The following GLE1 variants were observed in gnomAD, a reference collection of about 807,000 sequenced individuals.
The protein encoded by GLE1 is mRNA export factor GLE1.
GLE1 carries 78 observed loss-of-function variants against 97.3 expected under a neutral mutation model. The ratio of observed to expected loss-of-function variants is 0.80; its 90% CI spans 0.67 to 0.97. The LOEUF is 0.97. GLE1 is among the 50% of genes least tolerant of loss of function. GLE1 has a pLI of 0.00. For missense variants in GLE1, 753 were observed against 857.5 expected (o/e 0.88, Z 1.52); for synonymous variants, 302 against 313.4 (o/e 0.96, Z 0.39).
intron 12 of GLE1, 49 bp from the exon 13 acceptor site, chr9:128,537,937 A>C (rs780526006): frequency 2.1e-5 from 23 of 1,096,462 alleles, no homozygotes; most frequent in Admixed American, 5.3e-5. Flanking sequence ...GGGAGTTTAG[A>C]TTTCTAAACA....
At position 128,534,032 on chromosome 9, in the gene GLE1, C is replaced by T. The variant is rs1847614643; in HGVS notation, c.1646+81C>T. ...TAGAATTGGAATTTGTTTTTCCCTC[C>T]TCACAGCTCCTATTACGTACCTTGA... On this transcript the variant is annotated intron_variant, in intron 11 of 15. Transcript: ENST00000309971. The T allele has an allele frequency of 7.7e-5, 70 of 909,634 alleles. 2 individuals carry two copies. The South Asian group carries it at 9.0e-4, about 12-fold the overall frequency. 56.3% of individuals were successfully genotyped at this position (909,634 alleles called of 1,614,324 possible).
At chr9:128,533,467 G>C (rs777558470) in intron 9 of GLE1, 46 bp from the exon 10 acceptor site, 1 of 918,856 alleles carries the variant, frequency 1.1e-6, no homozygotes, top group East Asian at 2.6e-5. Context: ...AAGAAAAAGA[G>C]ATTGATCTGT....
chr9:128,536,063 C>A (rs754011395), intron 11 of GLE1, among the ~76,000 whole-genome samples: 1 of 152,114 alleles, frequency 6.6e-6, no homozygotes, highest in Non-Finnish European at 1.5e-5. Flanking sequence ...GAGACACAGT[C>A]TTACTGTTAC....
intron 12 of GLE1, among the ~76,000 whole-genome samples, 161 bp downstream of exon 12, chr9:128,536,645 T>C (rs1281079069): frequency 6.6e-6 from 1 of 152,178 alleles, no homozygotes; most frequent in Non-Finnish European, 1.5e-5. Flanking sequence ...GAATGTTGAT[T>C]ATTAGGGAAC....
chr9:128,522,897 A>G, intron 4 of GLE1, 81 bp downstream of exon 4: 1 of 1,506,348 alleles, frequency 6.6e-7, no homozygotes, highest in Non-Finnish European at 9.2e-7. Context: ...AAAGGGAAAG[A>G]GTTGAACAAC....
In GLE1 at chr9:128,538,058, G is replaced by T; in HGVS notation, c.1849G>T (p.Val617Leu). The stretch of plus-strand genomic sequence containing the variant: ...CTTAAACATGGAGCCCTTGTCAGAT[G>T]TGACAGCCACCCTCCTCTTTGACTT... ...QILNMEPLSD[V>L]TATLLFDFLE... is the part of the protein sequence containing the mutation. The change falls in exon 13 of 16, where the codon GTG (valine) becomes TTG (leucine). Residue 617 changes from valine to leucine, a missense_variant. Coordinates refer to ENST00000309971, the MANE Select transcript of GLE1 (RefSeq NM_001003722.2). 1 of 1,609,460 alleles carries T rather than the reference G, an allele frequency of 6.2e-7. No individual in the cohort carries two copies. Among genetic ancestry groups the T allele is most frequent in the Non-Finnish European group, 8.5e-7 (1 of 1,175,760 alleles).
In GLE1 at chr9:128,525,383, C is replaced by T. The variant is rs1357351573; in HGVS notation, c.1089C>T (p.Pro363=). The change falls in exon 7 of 16, where the codon CCC becomes CCT. Residue 363 remains proline (P), a synonymous_variant. Coordinates refer to ENST00000309971, the MANE Select transcript of GLE1 (RefSeq NM_001003722.2). ...MQQGPEAHKE[P]PAPSQGPGGK... ...AGGGACCAGAGGCCCACAAAGAGCC[C>T]CCAGCTCCCAGCCAGGGCCCAGGAG... is the stretch of plus-strand genomic sequence containing the variant. The T allele has an allele frequency of 6.2e-7, 1 of 1,610,772 alleles. No individual in the cohort carries two copies.
At chr9:128,521,692 GT>G (rs2132451218) in intron 3 of GLE1, among the ~76,000 whole-genome samples, 1 of 152,266 alleles carries the variant, frequency 6.6e-6, no homozygotes, top group Admixed American at 6.5e-5. Context: ...TATAATACGT[GT>G]CGTCATTCCC....
In GLE1 at chr9:128,522,635, TAA is replaced by T. The variant is rs60154464; in HGVS notation, c.433-11_433-10del. On this transcript the variant is annotated intron_variant, in intron 3 of 15. Transcript: ENST00000309971. ...CTGGCGACAGAGAGAGATTCCATCTTAAAAAAAAAAAAAAAAAAAAAAACCTT... is the reference window on the plus strand; with the variant it reads ...CTGGCGACAGAGAGAGATTCCATCTTAAAAAAAAAAAAAAAAAAAAACCTT... The T allele has an allele frequency of 0.14, 167,300 of 1,232,864 alleles. 15 individuals carry two copies. Among genetic ancestry groups the T allele is most frequent in the Middle Eastern group, 0.16 (539 of 3,400 alleles). 76.4% of individuals were successfully genotyped at this position (1,232,864 alleles called of 1,614,324 possible). A position where few individuals can be genotyped will look rare whatever the true frequency, so the allele number is the denominator to read the frequency against.
chr9:128,525,152 A>G (rs751796621), intron 6 of GLE1, 40 bp from the exon 7 acceptor site: 1 of 1,438,222 alleles, frequency 7.0e-7, no homozygotes. Flanking sequence ...TGATTTACCT[A>G]GGGAATGACC....
At chr9:128,534,089 C>T (rs577257455) in intron 11 of GLE1, 138 bp downstream of exon 11, 6 of 732,570 alleles carry the variant, frequency 8.2e-6, no homozygotes, top group South Asian at 3.0e-5. Flanking sequence ...GTCTTTCGGC[C>T]GGGTGCAGTG....
intron 3 of GLE1, among the ~76,000 whole-genome samples, chr9:128,515,952 C>CTTT (rs58485540): frequency 2.9e-5 from 4 of 139,888 alleles, no homozygotes; most frequent in East Asian, 2.1e-4. Context: ...ACCTTAGCCT[C>CTTT]TTTTTTTTTT....
rs769313068 is a variant in GLE1, at chr9:128,525,381, C to T, written c.1087C>T (p.Pro363Ser). The T allele has an allele frequency of 8.1e-6, 13 of 1,610,522 alleles. No homozygotes were observed. The Admixed American group carries it at 1.9e-4, about 23-fold the overall frequency. The change falls in exon 7 of 16, where the codon CCC becomes TCC. Residue 363 changes from proline (P) to serine (S), a missense_variant. By Grantham distance (74) the Pro-to-Ser change is moderately conservative. Transcript: ENST00000309971. ...GCAGGGACCAGAGGCCCACAAAGAGCCCCCAGCTCCCAGCCAGGGCCCAGG... is the reference window on the plus strand; with the variant it reads ...GCAGGGACCAGAGGCCCACAAAGAGTCCCCAGCTCCCAGCCAGGGCCCAGG... Reference protein sequence around the residue: ...MQQGPEAHKEPPAPSQGPGGK... With the variant: ...MQQGPEAHKESPAPSQGPGGK...
chr9:128,536,744 G>A, intron 12 of GLE1: 2 of 404,222 alleles, frequency 4.9e-6, no homozygotes, highest in South Asian at 4.3e-5. Flanking sequence ...ATTAAGGTTA[G>A]AAGATTTTCT....
rs376686581 is a variant in GLE1, at chr9:128,538,017, G to A, written c.1808G>A (p.Arg603His). ...IHPHGLNHGW[R>H]WLAQILNMEP... is the part of the protein sequence containing the mutation. Reference sequence around the variant, plus strand: ...CCTCATGGCTTAAATCATGGATGGCGCTGGTTGGCACAGATCTTAAACATG... The same window carrying A: ...CCTCATGGCTTAAATCATGGATGGCACTGGTTGGCACAGATCTTAAACATG... The change falls in exon 13 of 16, where the codon CGC becomes CAC. Residue 603 changes from arginine to histidine, a missense_variant. Coordinates refer to ENST00000309971, the MANE Select transcript of GLE1 (RefSeq NM_001003722.2). 2 of 1,611,666 alleles carry A rather than the reference G, an allele frequency of 1.2e-6. No homozygotes were observed. Among genetic ancestry groups the A allele is most frequent in the Admixed American group, 1.7e-5 (1 of 60,000 alleles).
At position 128,533,524 on chromosome 9, in the gene GLE1, AAGG is replaced by A; in HGVS notation, c.1327_1329del (p.Glu443del). 6.2e-7 allele frequency: 1 copy of A among 1,612,130 alleles called. No individual in the cohort carries two copies. The highest frequency in any genetic ancestry group is 1.1e-5 in the South Asian group (1 of 91,036). On this transcript the variant is annotated inframe_deletion, in exon 10 of 16. Transcript: ENST00000309971. ...TCTATCATGCTCAGGCTCAAAACTGAAGGAGATCTTTGACAAGATCCACAGCCT... is the reference window on the plus strand; with the variant it reads ...TCTATCATGCTCAGGCTCAAAACTGAAGATCTTTGACAAGATCCACAGCCT...
At chr9:128,528,749 T>G (rs1206895928) in intron 9 of GLE1, among the ~76,000 whole-genome samples, 1 of 152,218 alleles carries the variant, frequency 6.6e-6, no homozygotes, top group Admixed American at 6.5e-5. Context: ...CAACATTAGC[T>G]TTTCCAAATT....
At chr9:128,525,918 C>T (rs975978024) in intron 7 of GLE1, among the ~76,000 whole-genome samples, 4 of 151,892 alleles carry the variant, frequency 2.6e-5, no homozygotes, top group East Asian at 1.9e-4. Context: ...AGTGAGACTC[C>T]GTCTCAAAAA....
intron 15 of GLE1, chr9:128,540,584 T>C (rs1847856783): frequency 1.9e-6 from 1 of 527,944 alleles, no homozygotes; most frequent in African/African-American, 1.9e-5. Flanking sequence ...ATATATTTAG[T>C]GTATCTCCTC....
Sources: gnomAD v4.1 joint callset for allele counts (sites outside exome capture counted in the v4.1 genomes callset) on GRCh38, gnomAD v4.1.1 for gene constraint, MANE v1.5 for transcripts, NCBI Gene and HGNC (gene_info 2026-07-23, HGNC 2026-07-21) for gene names.